Variants in ZNF560 observed in about 807,000 individuals in gnomAD.
ZNF560 encodes the protein zinc finger protein 560.
In ZNF560, 54 loss-of-function variants were observed where a neutral mutation model predicts 81.8. The ratio of observed to expected loss-of-function variants is 0.66; its 90% confidence interval spans 0.53 to 0.83. The LOEUF is 0.83. ZNF560 is among the 40% of genes least tolerant of loss of function. The pLI, the probability that ZNF560 is intolerant of heterozygous loss-of-function variation, is 0.00. For missense variants in ZNF560, 940 were observed against 932.4 expected (o/e 1.01, Z -0.11); for synonymous variants, 321 against 317.9 (o/e 1.01, Z -0.10).
At chr19:9,471,416 T>TAA (rs3068759) in intron 5 of ZNF560, 38 bp from the exon 6 acceptor site, 439 of 1,279,636 alleles carry the variant, frequency 3.4e-4, no homozygotes, top group East Asian at 2.1e-3. Flanking sequence ...TTTTTTTTTT[T>TAA]AAAAAAAAAG....
intron 2 of ZNF560, among the ~76,000 whole-genome samples, chr19:9,483,555 G>A (rs1469361615): frequency 6.9e-6 from 1 of 145,260 alleles, no homozygotes; most frequent in Non-Finnish European, 1.5e-5. Context: ...CCCCCGCCCG[G>A]CCAGCCGCCC....
chr19:9,460,322 G>A, the ZNF560 span, among the ~76,000 whole-genome samples: 19 of 152,220 alleles, frequency 1.2e-4, no homozygotes, highest in African/African-American at 4.6e-4. Context: ...CCTGAGGAAA[G>A]CAGGACAAGC....
chr19:9,495,416 CT>C (rs1320238933), intron 2 of ZNF560, among the ~76,000 whole-genome samples: 1 of 152,074 alleles, frequency 6.6e-6, no homozygotes, highest in Non-Finnish European at 1.5e-5. Flanking sequence ...AAACACTACA[CT>C]TCTGGCCAGC....
chr19:9,501,327 T>TTG (rs71185606), upstream of ZNF560, among the ~76,000 whole-genome samples: 3,855 of 108,898 alleles, frequency 0.035, 82 homozygotes, highest in East Asian at 0.091. Flanking sequence ...CCTGGCTACT[T>TTG]TGTGTGTGTG....
intron 2 of ZNF560, among the ~76,000 whole-genome samples, chr19:9,475,844 G>C (rs1274525014): frequency 6.6e-6 from 1 of 152,090 alleles, no homozygotes; most frequent in Non-Finnish European, 1.5e-5. Context: ...CTGACCTCAT[G>C]ATCCGCCCAA....
At chr19:9,474,823 ATTTT>A (rs35450965) in intron 3 of ZNF560, among the ~76,000 whole-genome samples, 2,777 of 85,708 alleles carry the variant, frequency 0.032, 58 homozygotes, top group African/African-American at 0.12. Flanking sequence ...CATGCCTGGC[ATTTT>A]TTTTTTTTTT....
At chr19:9,502,525 T>C (rs747813492), upstream of ZNF560, among the ~76,000 whole-genome samples, 5 of 152,190 alleles carry the variant, frequency 3.3e-5, no homozygotes, top group Non-Finnish European at 7.4e-5. Context: ...TTCTACTTTT[T>C]TGGAGGATAT....
At chr19:9,447,174 G>A in the ZNF560 span, among the ~76,000 whole-genome samples, 1 of 151,114 alleles carries the variant, frequency 6.6e-6, no homozygotes, top group African/African-American at 2.4e-5. Context: ...CTCTGTTGCT[G>A]GCATTGACAA....
At position 9,466,680 on chromosome 19, in the gene ZNF560, A is replaced by G. The variant is rs768466093; in HGVS notation, c.2267T>C (p.Ile756Thr). The G allele has an allele frequency of 1.2e-6, 2 of 1,614,028 alleles. No individual in the cohort carries two copies. Among genetic ancestry groups the G allele is most frequent in the Non-Finnish European group, 1.7e-6 (2 of 1,179,990 alleles). ...TCCCATATGAGTTCTTAAATGTTGA[A>G]TACGTCCTGAGGATGTACGGAAGGC... ...GKAFRTSSGRIQHLRTHMGEK... is the reference protein window; with the variant it reads ...GKAFRTSSGRTQHLRTHMGEK... Residue 756 changes from isoleucine (I) to threonine (T), a missense_variant, in exon 10 of 10, where the codon ATT becomes ACT. Coordinates refer to ENST00000301480, the MANE Select transcript of ZNF560 (RefSeq NM_152476.3).
intron 5 of ZNF560, 38 bp from the exon 6 acceptor site, chr19:9,471,416 TAAAAA>T (rs3068759): frequency 2.6e-5 from 33 of 1,279,484 alleles, no homozygotes; most frequent in South Asian, 9.3e-5. Flanking sequence ...TTTTTTTTTT[TAAAAA>T]AAAAGGTAAA....
At chr19:9,469,067 G>T in intron 9 of ZNF560, 38 bp downstream of exon 9, 1 of 1,482,066 alleles carries the variant, frequency 6.7e-7, no homozygotes, top group South Asian at 1.2e-5. Flanking sequence ...AGTCTTCTCT[G>T]AATGTGAAAA....
chr19:9,472,525 C>T (rs566637692), intron 5 of ZNF560, among the ~76,000 whole-genome samples: 9 of 152,124 alleles, frequency 5.9e-5, no homozygotes, highest in Admixed American at 3.9e-4. Context: ...ACTGTGCATG[C>T]GAAGGATTTA....
At chr19:9,474,414 A>G (rs1214025525) in intron 3 of ZNF560, 89 bp from the exon 4 acceptor site, 3 of 1,453,740 alleles carry the variant, frequency 2.1e-6, no homozygotes, top group African/African-American at 2.8e-5. Context: ...CAATGCCTAT[A>G]AAGAGTTGTG....
intron 9 of ZNF560, 100 bp from the exon 10 acceptor site, chr19:9,468,434 T>C (rs1157678009): frequency 1.1e-6 from 1 of 880,330 alleles, no homozygotes; most frequent in African/African-American, 1.7e-5. Flanking sequence ...TTTGCCACTT[T>C]TATAACATGC....
chr19:9,491,118 G>C (rs920655182), intron 2 of ZNF560, among the ~76,000 whole-genome samples: 11 of 151,982 alleles, frequency 7.2e-5, no homozygotes, highest in African/African-American at 2.7e-4. Flanking sequence ...AGTTGGTTTT[G>C]TTTTGTTTTT....
At chr19:9,497,548 A>C (rs2073581522) in intron 2 of ZNF560, among the ~76,000 whole-genome samples, 1 of 151,834 alleles carries the variant, frequency 6.6e-6, no homozygotes, top group Non-Finnish European at 1.5e-5. Flanking sequence ...AAAAAAAAAA[A>C]AAAAAAAATG....
At chr19:9,490,876 C>T (rs1306686457) in intron 2 of ZNF560, among the ~76,000 whole-genome samples, 5 of 152,170 alleles carry the variant, frequency 3.3e-5, no homozygotes, top group African/African-American at 9.6e-5. Flanking sequence ...GTGCAGAAGT[C>T]ACATCGACTT....
Position 9,478,281 on chromosome 19 carries a change from T to C in ZNF560, c.-56-2912A>G, listed in dbSNP as rs557123387. On this transcript the variant is annotated intron_variant, in intron 2 of 9. Coordinates refer to ENST00000301480, the MANE Select transcript of ZNF560 (RefSeq NM_152476.3). ...AGGAAAAACAAACAAACAAAAAAACTGCTCACAAAGAATACCATACCCAGC... is the reference window on the plus strand; with the variant it reads ...AGGAAAAACAAACAAACAAAAAAACCGCTCACAAAGAATACCATACCCAGC... Among the ~76,000 whole-genome samples, 5 of 151,976 alleles carry C rather than the reference T, an allele frequency of 3.3e-5. No individual in the cohort carries two copies. The East Asian group carries it at 9.7e-4, about 29-fold the overall frequency.
In ZNF560 at chr19:9,467,225, A is replaced by G. The variant is rs758187972; in HGVS notation, c.1722T>C (p.Cys574=). 5.0e-6 allele frequency: 8 copies of G among 1,614,044 alleles called. No homozygotes were observed. In the East Asian group the frequency reaches 1.8e-4, roughly 36 times the overall value. The part of the protein sequence containing the change: ...RTHAGEKPYE[C]MKCGKAFTER... ...CAGTGAAGGCTTTCCCACATTTCAT[A>G]CATTCATAGGGTTTCTCTCCAGCGT... Residue 574 remains cysteine, a synonymous_variant, in exon 10 of 10, where the codon TGT becomes TGC. Coordinates refer to ENST00000301480, the MANE Select transcript of ZNF560 (RefSeq NM_152476.3).
Sources: allele counts gnomAD v4.1 joint callset (sites outside exome capture counted in the v4.1 genomes callset), GRCh38; gene constraint gnomAD v4.1.1; transcripts MANE v1.5; gene names NCBI Gene and HGNC (gene_info 2026-07-23, HGNC 2026-07-21).